SLC30A10: variants seen among roughly 807,000 people sequenced by gnomAD.
The protein encoded by SLC30A10 is calcium/manganese antiporter SLC30A10.
A neutral mutation model predicts 21.7 loss-of-function variants in SLC30A10; 8 were observed. That is an observed-to-expected ratio of 0.37 (90% CI 0.22 to 0.67). The LOEUF (loss-of-function observed/expected upper bound fraction) is 0.67. Ranked by LOEUF, SLC30A10 falls within the 30% of genes least tolerant of loss-of-function variation. The pLI is 0.58. For synonymous variants in SLC30A10, 272 were observed against 279.4 expected (o/e 0.97, Z 0.26); for missense variants, 521 against 642.5 (o/e 0.81, Z 2.04).
chr1:219,927,964 C>T lies in SLC30A10; in HGVS notation c.477G>A (p.Ala159=), dbSNP rs1205096914. 1.3e-6 allele frequency: 2 copies of T among 1,546,706 alleles called. No homozygotes were observed. The highest frequency in any genetic ancestry group is 1.7e-6 in the Non-Finnish European group (2 of 1,145,830). ...CGAAAGCGCCGGGGACACAGCCCTC[C>T]GCCAGCTGCTGCCGCTGCTGCAGGC... ...SRRLQQRQQL[A]EGCVPGAFGG... The change falls in exon 1 of 4, where the codon GCG becomes GCA. Residue 159 remains alanine (A), a synonymous_variant. Coordinates refer to ENST00000366926, the MANE Select transcript of SLC30A10 (RefSeq NM_018713.3).
upstream of SLC30A10, among the ~76,000 whole-genome samples, chr1:219,930,542 A>AT (rs1659955476): frequency 6.6e-6 from 1 of 152,146 alleles, no homozygotes; most frequent in Admixed American, 6.5e-5. Flanking sequence ...GCCTTGTAAA[A>AT]CATAACCTTG....
chr1:219,926,049 ACTAAG>A (rs1306012818), intron 2 of SLC30A10, among the ~76,000 whole-genome samples: 1 of 152,092 alleles, frequency 6.6e-6, no homozygotes, highest in Non-Finnish European at 1.5e-5. Context: ...AAAGCTCACT[ACTAAG>A]CTCTTTCAGA....
upstream of SLC30A10, among the ~76,000 whole-genome samples, chr1:219,930,302 T>C (rs34080032): frequency 0.071 from 10,718 of 151,832 alleles, 523 homozygotes; most frequent in Non-Finnish European, 0.11. Context: ...GGAAACCCCA[T>C]CTCTACAAAA....
At chr1:219,920,737 T>C (rs1485063634) in intron 2 of SLC30A10, among the ~76,000 whole-genome samples, 1 of 152,216 alleles carries the variant, frequency 6.6e-6, no homozygotes, top group Non-Finnish European at 1.5e-5. Context: ...AAATAAGTAA[T>C]GCAAAATCTA....
chr1:219,921,137 G>A (rs1659667439), intron 2 of SLC30A10, among the ~76,000 whole-genome samples: 2 of 152,140 alleles, frequency 1.3e-5, no homozygotes, highest in African/African-American at 4.8e-5. Flanking sequence ...TTGTAACCCT[G>A]CTAAATTTCT....
upstream of SLC30A10, among the ~76,000 whole-genome samples, chr1:219,932,282 A>T (rs1659979852): frequency 6.6e-6 from 1 of 152,070 alleles, no homozygotes; most frequent in African/African-American, 2.4e-5. Flanking sequence ...CTGGCCTTTA[A>T]TGCTTCTTTT....
intron 1 of SLC30A10, among the ~76,000 whole-genome samples, chr1:219,934,237 G>A (rs780236323): frequency 2.6e-5 from 4 of 152,148 alleles, no homozygotes; most frequent in East Asian, 1.9e-4. Flanking sequence ...GCAGTGAGCC[G>A]AGATCGTGCC....
chr1:219,958,973 C>A (rs1233016010), upstream of SLC30A10, among the ~76,000 whole-genome samples: 5 of 152,280 alleles, frequency 3.3e-5, no homozygotes, highest in Non-Finnish European at 5.9e-5. Context: ...ATGCTAACGA[C>A]GCACATGAGG....
intron 1 of SLC30A10, among the ~76,000 whole-genome samples, chr1:219,934,976 G>A (rs2102540016): frequency 6.6e-6 from 1 of 152,308 alleles, no homozygotes; most frequent in Middle Eastern, 3.4e-3. Context: ...TGGCTACTAG[G>A]AAGAACAGGG....
chr1:219,913,402 T>C lies in SLC30A10; in HGVS notation c.*2047A>G, dbSNP rs1403366597. 1 of 152,260 alleles carries C rather than the reference T, an allele frequency of 6.6e-6. No homozygotes were observed. The highest frequency in any genetic ancestry group is 1.9e-4 in the East Asian group (1 of 5,204). 9.4% of individuals were successfully genotyped at this position (152,260 alleles called of 1,614,324 possible). ...TAAGTGCAAACTAATATCCATTCCT[T>C]CAGCCAGTTGCACAAAAACTGTGAA... On this transcript the variant is annotated 3_prime_UTR_variant, in exon 4 of 4. Transcript: ENST00000366926.
chr1:219,933,190 G>T (rs1571806593), upstream of SLC30A10, among the ~76,000 whole-genome samples: 1 of 151,836 alleles, frequency 6.6e-6, no homozygotes, highest in African/African-American at 2.4e-5. Flanking sequence ...GTAAAGCTGT[G>T]CCCATCAGCC....
Position 219,928,556 on chromosome 1 carries a change from T to C in SLC30A10, c.-116A>G, listed in dbSNP as rs1203022731. ...TGAGGCCCGGTACCCGCCTCCCAGATTGTCTCGCCGGCCCTGCCCCACCGC... is the reference window on the plus strand; with the variant it reads ...TGAGGCCCGGTACCCGCCTCCCAGACTGTCTCGCCGGCCCTGCCCCACCGC... On this transcript the variant is annotated 5_prime_UTR_variant, in exon 1 of 4. Transcript: ENST00000366926. This position sits in a 1 kb window ranked among gnomAD's most constrained non-coding sequence, Gnocchi z 6.3. The C allele has an allele frequency of 2.4e-5, 23 of 965,902 alleles. No homozygotes were observed. Among genetic ancestry groups the C allele is most frequent in the Non-Finnish European group, 3.3e-5 (23 of 705,266 alleles). The allele number at this position is 965,902 out of a possible 1,614,324, so 59.8% of individuals were successfully genotyped here.
chr1:219,930,889 G>T (rs999195929), upstream of SLC30A10, among the ~76,000 whole-genome samples: 1 of 152,136 alleles, frequency 6.6e-6, no homozygotes, highest in Non-Finnish European at 1.5e-5. Flanking sequence ...CTCAATAAAT[G>T]TTCTATTATT....
chr1:219,923,940 G>A (rs1386273714), intron 2 of SLC30A10, among the ~76,000 whole-genome samples: 1 of 152,176 alleles, frequency 6.6e-6, no homozygotes, highest in Non-Finnish European at 1.5e-5. Context: ...GCGCGCGCCT[G>A]TAATCCCAGC....
chr1:219,915,847 G>A lies in SLC30A10; in HGVS notation c.1060C>T (p.Pro354Ser), dbSNP rs749768848. 6 of 1,614,166 alleles carry A rather than the reference G, an allele frequency of 3.7e-6. No homozygotes were observed. The highest frequency in any genetic ancestry group is 5.1e-6 in the Non-Finnish European group (6 of 1,180,038). Residue 354 changes from proline to serine, a missense_variant, in exon 4 of 4, where the codon CCT becomes TCT. Physicochemically the swap from Pro to Ser is moderately conservative, Grantham distance 74. Coordinates refer to ENST00000366926, the MANE Select transcript of SLC30A10 (RefSeq NM_018713.3). ...GCATCTTGATATCCCCTGTCCTTAG[G>A]ATACTTGATGTGCAGGGTGGCAATA... ...KIIATLHIKY[P>S]KDRGYQDAST... is the part of the protein sequence containing the mutation.
intron 1 of SLC30A10, among the ~76,000 whole-genome samples, chr1:219,950,613 TG>T (rs1660254404): frequency 6.6e-6 from 1 of 151,392 alleles, no homozygotes; most frequent in African/African-American, 2.4e-5. Context: ...CACTCCAGCC[TG>T]GGCAACAGAG....
At chr1:219,919,739 G>C (rs1174895862) in intron 2 of SLC30A10, among the ~76,000 whole-genome samples, 2 of 147,234 alleles carry the variant, frequency 1.4e-5, no homozygotes, top group Non-Finnish European at 3.0e-5. Context: ...TAGTGCCATT[G>C]TACTCCAGCC....
chr1:219,939,244 C>T lies in SLC30A10; in HGVS notation n.81-12139G>A, dbSNP rs537341149. Reference sequence around the variant, plus strand: ...AGGAAGGCAATATTTCAGATAGTTGCCTGGGATTTGGAATGCACCTCTACC... The same window carrying T: ...AGGAAGGCAATATTTCAGATAGTTGTCTGGGATTTGGAATGCACCTCTACC... On this transcript the variant is annotated intron_variant and non_coding_transcript_variant, in intron 1 of 8. Transcript: ENST00000484239. Among the ~76,000 whole-genome samples the T allele has an allele frequency of 2.0e-5, 3 of 152,174 alleles. No homozygotes were observed. In the South Asian group the frequency reaches 6.2e-4, roughly 32 times the overall value.
upstream of SLC30A10, among the ~76,000 whole-genome samples, chr1:219,928,970 C>T (rs1028439435): frequency 2.6e-5 from 4 of 152,232 alleles, no homozygotes; most frequent in Admixed American, 2.0e-4. The surrounding 1 kb of genome is among the most constrained non-coding windows in gnomAD (Gnocchi z 6.3). Flanking sequence ...GCGTACGTGC[C>T]CATAGGCACC....
Sources: allele counts gnomAD v4.1 joint callset (sites outside exome capture counted in the v4.1 genomes callset), GRCh38; gene constraint gnomAD v4.1.1; non-coding constraint Gnocchi (gnomAD v3.1); transcripts MANE v1.5; gene names NCBI Gene and HGNC (gene_info 2026-07-23, HGNC 2026-07-21).